The following ROR1 variants were observed in gnomAD, a reference collection of about 807,000 sequenced individuals.
ROR1 encodes inactive tyrosine-protein kinase transmembrane receptor ROR1.
Under a neutral mutation model 78.8 loss-of-function variants are expected in ROR1, and 19 were observed. That is an observed-to-expected ratio of 0.24 (90% CI 0.17 to 0.35). ROR1 has a LOEUF of 0.35. Among genes scored for constraint, ROR1 ranks in the 10% least tolerant of loss-of-function variants. ROR1 has a pLI of 1.00. For synonymous variants in ROR1, 386 were observed against 433.6 expected, an observed-to-expected ratio of 0.89 and a Z score of 1.36; for missense variants, 917 against 1,177.8, an observed-to-expected ratio of 0.78 and a Z score of 3.24.
chr1:64,082,481 G>A (rs537199168), intron 4 of ROR1, among the ~76,000 whole-genome samples: 1 of 152,166 alleles, frequency 6.6e-6, no homozygotes, highest in Non-Finnish European at 1.5e-5. Context: ...TGGGGAAGAG[G>A]TTAGGCTTAG....
At chr1:63,890,128 A>G (rs1030788620) in intron 1 of ROR1, among the ~76,000 whole-genome samples, 3 of 148,646 alleles carry the variant, frequency 2.0e-5, no homozygotes, top group Non-Finnish European at 4.5e-5. Context: ...ATTCAGGAAG[A>G]TTATATGGTC....
chr1:63,812,495 G>T (rs1390116), intron 1 of ROR1, among the ~76,000 whole-genome samples: 21,129 of 152,116 alleles, frequency 0.14, 3,667 homozygotes, highest in African/African-American at 0.4. Context: ...ATTGAAGGTA[G>T]TCAGTAAGTT....
At chr1:63,818,666 C>CTCCCT (rs1644906880) in intron 1 of ROR1, among the ~76,000 whole-genome samples, 1 of 152,186 alleles carries the variant, frequency 6.6e-6, no homozygotes, top group Non-Finnish European at 1.5e-5. Flanking sequence ...CCAAAATGGG[C>CTCCCT]ATTTTTCCCC....
chr1:63,777,005 T>TA (rs1378324839), intron 1 of ROR1, among the ~76,000 whole-genome samples: 4 of 152,210 alleles, frequency 2.6e-5, no homozygotes, highest in Non-Finnish European at 1.5e-5. Flanking sequence ...TTTAAAAAGA[T>TA]ACAAAACATT....
At chr1:64,124,967 A>G (rs778040447) in intron 4 of ROR1, among the ~76,000 whole-genome samples, 17 of 152,198 alleles carry the variant, frequency 1.1e-4, no homozygotes, top group Admixed American at 7.9e-4. Context: ...TCACCACAGA[A>G]TGTGAGCACA....
intron 1 of ROR1, among the ~76,000 whole-genome samples, chr1:63,871,988 T>A (rs1645254259): frequency 6.6e-6 from 1 of 152,230 alleles, no homozygotes; most frequent in Non-Finnish European, 1.5e-5. Flanking sequence ...CTGTTGAGAT[T>A]TAACGCCAAT....
chr1:63,982,087 T>C (rs1167143265), intron 1 of ROR1, among the ~76,000 whole-genome samples: 2 of 152,180 alleles, frequency 1.3e-5, no homozygotes, highest in Non-Finnish European at 2.9e-5. Context: ...GTAGATGATC[T>C]CATTTGATCC....
At chr1:64,161,459 T>G (rs1649941808) in intron 8 of ROR1, among the ~76,000 whole-genome samples, 1 of 152,222 alleles carries the variant, frequency 6.6e-6, no homozygotes, top group African/African-American at 2.4e-5. Flanking sequence ...GGCATTCTCC[T>G]GGCTTCTGAC....
chr1:63,850,279 T>C (rs1645106264), intron 1 of ROR1, among the ~76,000 whole-genome samples: 1 of 146,336 alleles, frequency 6.8e-6, no homozygotes, highest in Non-Finnish European at 1.5e-5. Flanking sequence ...TCACAATTAA[T>C]GTACCCATTC....
At chr1:63,953,104 T>C (rs1645953954) in intron 1 of ROR1, among the ~76,000 whole-genome samples, 1 of 152,160 alleles carries the variant, frequency 6.6e-6, no homozygotes, top group African/African-American at 2.4e-5. Context: ...AGGCATTCAC[T>C]CATTCATCCA....
intron 1 of ROR1, chr1:63,843,523 G>T: frequency 1.3e-6 from 1 of 751,142 alleles, no homozygotes; most frequent in Non-Finnish European, 2.4e-6. Context: ...TCGCCCACCA[G>T]GATCTTCTTG....
intron 1 of ROR1, among the ~76,000 whole-genome samples, chr1:63,983,706 C>T (rs1646229143): frequency 1.3e-5 from 2 of 152,118 alleles, no homozygotes; most frequent in South Asian, 2.1e-4. Flanking sequence ...GCCTCATTGT[C>T]CAAAAGGACA....
intron 1 of ROR1, among the ~76,000 whole-genome samples, chr1:63,892,963 A>G (rs1645409768): frequency 6.6e-6 from 1 of 152,148 alleles, no homozygotes; most frequent in Admixed American, 6.6e-5. Context: ...GTTTGGATTT[A>G]TCAAGTAGCT....
At chr1:63,797,924 C>G (rs1644771564) in intron 1 of ROR1, among the ~76,000 whole-genome samples, 1 of 151,110 alleles carries the variant, frequency 6.6e-6, no homozygotes, top group Admixed American at 6.6e-5. Flanking sequence ...GACCAAATTC[C>G]TTTTCACTAA....
intron 4 of ROR1, among the ~76,000 whole-genome samples, chr1:64,098,079 G>C (rs942449): frequency 0.44 from 67,157 of 151,890 alleles, 15,191 homozygotes; most frequent in Non-Finnish European, 0.5. Flanking sequence ...CAATATTTCT[G>C]CCACTCGACA....
At chr1:63,880,179 A>C (rs72928789) in intron 1 of ROR1, among the ~76,000 whole-genome samples, 1 of 152,146 alleles carries the variant, frequency 6.6e-6, no homozygotes, top group African/African-American at 2.4e-5. Flanking sequence ...GTGATGATGC[A>C]TGTATAATGC....
chr1:64,102,888 C>G (rs1157506065), intron 4 of ROR1, among the ~76,000 whole-genome samples: 1 of 152,126 alleles, frequency 6.6e-6, no homozygotes, highest in Non-Finnish European at 1.5e-5. Context: ...CCAGCAACCC[C>G]TTTCTCCCCA....
intron 1 of ROR1, among the ~76,000 whole-genome samples, chr1:63,827,908 T>G (rs1187923426): frequency 6.6e-6 from 1 of 152,196 alleles, no homozygotes; most frequent in African/African-American, 2.4e-5. Flanking sequence ...TTGTAAATGT[T>G]TTTCTCATTA....
chr1:63,780,713 C>T (rs1467227997), intron 1 of ROR1, among the ~76,000 whole-genome samples: 1 of 152,180 alleles, frequency 6.6e-6, no homozygotes, highest in Non-Finnish European at 1.5e-5. Flanking sequence ...CAGGCCAGTG[C>T]TGGGGACCTG....
Sources: allele counts gnomAD v4.1 joint callset (sites outside exome capture counted in the v4.1 genomes callset), GRCh38; gene constraint gnomAD v4.1.1; transcripts MANE v1.5; gene names NCBI Gene and HGNC (gene_info 2026-07-23, HGNC 2026-07-21).